LIG1: variants seen among roughly 807,000 people sequenced by gnomAD.
The protein encoded by LIG1 is ligase I, DNA, ATP-dependent.
LIG1 carries 70 observed loss-of-function variants against 115.7 expected under a neutral mutation model. That is an observed-to-expected ratio of 0.60 (90% CI 0.50 to 0.74). The LOEUF (loss-of-function observed/expected upper bound fraction) is 0.74, where lower values mean the gene tolerates loss of function less well. Among genes scored for constraint, LIG1 ranks in the 30% least tolerant of loss-of-function variants. The probability of loss-of-function intolerance (pLI) is 0.00; values close to 1 mark genes in which losing one functional copy is unlikely to be tolerated. For synonymous variants in LIG1, 487 were observed against 495.3 expected (o/e 0.98, Z 0.22); for missense variants, 1,115 against 1,225.6 (o/e 0.91, Z 1.35).
rs758614694 is a variant in LIG1 at position 48,127,898 on chromosome 19, G to A, written c.1932+12C>T. On this transcript the variant is annotated intron_variant, in intron 20 of 27. Transcript: ENST00000263274. ...ACGGGGCCTTGGCAGGCAGTGGAGCGGGTGATGCTACCTTGCGTTTGCGGG... is the reference window on the plus strand; with the variant it reads ...ACGGGGCCTTGGCAGGCAGTGGAGCAGGTGATGCTACCTTGCGTTTGCGGG... 16 of 1,605,588 alleles carry A rather than the reference G, an allele frequency of 1.0e-5. No homozygotes were observed. The highest frequency in any genetic ancestry group is 1.7e-4 in the Middle Eastern group (1 of 5,788).
At position 48,136,074 on chromosome 19, in the gene LIG1, A is replaced by G; in HGVS notation, c.1383T>C (p.Ala461=). Residue 461 remains alanine, a synonymous_variant, in exon 15 of 28, where the codon GCT becomes GCC. Coordinates refer to ENST00000263274, the MANE Select transcript of LIG1 (RefSeq NM_000234.3). ...TGAGGCTCACTGCCTGGGAGAGGGCAGCCAGCACCGACTGCTCTGCCAGCC... is the reference window on the plus strand; with the variant it reads ...TGAGGCTCACTGCCTGGGAGAGGGCGGCCAGCACCGACTGCTCTGCCAGCC... The part of the protein sequence containing the change: ...RLGLAEQSVL[A]ALSQAVSLTP... 2 of 1,573,138 alleles carry G rather than the reference A, an allele frequency of 1.3e-6. No homozygotes were observed. The highest frequency in any genetic ancestry group is 1.7e-6 in the Non-Finnish European group (2 of 1,159,776).
In LIG1 at chr19:48,143,037, C is replaced by A. The variant is rs558717788; in HGVS notation, c.914+506G>T. ...GAGGAAATGGGGACAGAGAAGGGGGCTGGCAGGGACCAGCGATGCTAACAT... is the reference window on the plus strand; with the variant it reads ...GAGGAAATGGGGACAGAGAAGGGGGATGGCAGGGACCAGCGATGCTAACAT... On this transcript the variant is annotated intron_variant, in intron 11 of 27. Coordinates refer to ENST00000263274, the MANE Select transcript of LIG1 (RefSeq NM_000234.3). 2.6e-5 allele frequency among the ~76,000 whole-genome samples: 4 copies of A among 152,266 alleles called. No homozygotes were observed. In the South Asian group the frequency reaches 8.3e-4, roughly 32 times the overall value.
intron 26 of LIG1, 22 bp downstream of exon 26, chr19:48,117,616 G>C: frequency 6.2e-7 from 1 of 1,610,392 alleles, no homozygotes; most frequent in Non-Finnish European, 8.5e-7. Context: ...ACAGGGCCAC[G>C]GCCAGGTCCT....
intron 14 of LIG1, among the ~76,000 whole-genome samples, chr19:48,136,762 A>G (rs2034417338): frequency 6.6e-6 from 1 of 152,216 alleles, no homozygotes; most frequent in Non-Finnish European, 1.5e-5. Context: ...TCACCAATCA[A>G]TCACAGCATG....
intron 9 of LIG1, among the ~76,000 whole-genome samples, chr19:48,148,883 G>A (rs778466698): frequency 5.3e-5 from 8 of 152,194 alleles, no homozygotes; most frequent in Admixed American, 1.3e-4. Flanking sequence ...AGCACATCAC[G>A]AGGGCTGGGG....
At chr19:48,157,936 T>A (rs920981631) in intron 4 of LIG1, among the ~76,000 whole-genome samples, 2 of 152,156 alleles carry the variant, frequency 1.3e-5, no homozygotes, top group African/African-American at 2.4e-5. Flanking sequence ...GCGGGAGGCA[T>A]TCAGGTCACG....
chr19:48,157,912 G>A (rs567658590), intron 4 of LIG1, among the ~76,000 whole-genome samples: 1 of 152,310 alleles, frequency 6.6e-6, no homozygotes, highest in South Asian at 2.1e-4. Context: ...CTCCAATGTT[G>A]GAGGTATGAC....
chr19:48,122,718 G>T lies in LIG1; in HGVS notation c.2232+216C>A, dbSNP rs922858621. ...CGCTGCACCTCGTGGGATGTGCGGT[G>T]CTTGGGCTGGGGCTGTTCTCCATCA... is the stretch of plus-strand genomic sequence containing the variant. On this transcript the variant is annotated intron_variant, in intron 23 of 27. Transcript: ENST00000263274. The surrounding 1 kb of genome is among the most constrained non-coding windows in gnomAD (Gnocchi z 4.3). Among the ~76,000 whole-genome samples, 1 of 152,204 alleles carries T rather than the reference G, an allele frequency of 6.6e-6. No individual in the cohort carries two copies. Among genetic ancestry groups the T allele is most frequent in the Non-Finnish European group, 1.5e-5 (1 of 68,034 alleles).
intron 8 of LIG1, 85 bp downstream of exon 8, chr19:48,150,003 C>T (rs2035364294): frequency 1.2e-6 from 2 of 1,603,522 alleles, no homozygotes; most frequent in Non-Finnish European, 1.7e-6. Context: ...GAAGGGTCTT[C>T]GCAGCATCTC....
At position 48,158,612 on chromosome 19, in the gene LIG1, G is replaced by A. The variant is rs148660741; in HGVS notation, c.244-1472C>T. 5.4e-4 allele frequency among the ~76,000 whole-genome samples: 82 copies of A among 152,326 alleles called. No individual in the cohort carries two copies. The East Asian group carries it at 0.014, about 25-fold the overall frequency. ...CCACAAATCTTCTTCTTGCTCTGGC[G>A]CCACCTGGGCATCAGGCAGTGCCAA... is the stretch of plus-strand genomic sequence containing the variant. On this transcript the variant is annotated intron_variant, in intron 4 of 27. Transcript: ENST00000263274.
intron 5 of LIG1, among the ~76,000 whole-genome samples, chr19:48,154,972 G>C (rs2035744023): frequency 6.6e-6 from 1 of 152,000 alleles, no homozygotes; most frequent in Non-Finnish European, 1.5e-5. Flanking sequence ...TTATATCACT[G>C]CTAAACTGGG....
chr19:48,150,968 T>C (rs1366762949), intron 7 of LIG1, among the ~76,000 whole-genome samples: 1 of 152,018 alleles, frequency 6.6e-6, no homozygotes, highest in Non-Finnish European at 1.5e-5. Context: ...CCCAAAGAGC[T>C]AGGATTACAG....
At chr19:48,133,718 C>T (rs1020333281) in intron 17 of LIG1, among the ~76,000 whole-genome samples, 1 of 152,178 alleles carries the variant, frequency 6.6e-6, no homozygotes, top group Non-Finnish European at 1.5e-5. Flanking sequence ...ACCTCAGCCT[C>T]CCGAGTAGCT....
rs536371454 is a variant in LIG1 at position 48,137,916 on chromosome 19, GGTGGATGAACGAGC to G, written c.1088-242_1088-229del. On this transcript the variant is annotated intron_variant, in intron 12 of 27. Coordinates refer to ENST00000263274, the MANE Select transcript of LIG1 (RefSeq NM_000234.3). This position sits in a 1 kb window ranked among gnomAD's most constrained non-coding sequence, Gnocchi z 4.3. Reference sequence around the variant, plus strand: ...AACATGCACGTGGAGCCAGGAAAGCGGTGGATGAACGAGCATGACCACACTCAGGGGAGACATCT... The same window carrying G: ...AACATGCACGTGGAGCCAGGAAAGCGATGACCACACTCAGGGGAGACATCT... The G allele has an allele frequency of 9.8e-5, 60 of 613,496 alleles. No homozygotes were observed. The East Asian group carries it at 1.3e-3, about 13-fold the overall frequency. The allele number at this position is 613,496 out of a possible 1,614,324, so 38.0% of individuals were successfully genotyped here.
chr19:48,169,763 T>C lies in LIG1; in HGVS notation c.-58+478A>G, dbSNP rs1231335072. On this transcript the variant is annotated intron_variant, in intron 1 of 27. Transcript: ENST00000263274. ...TCCGGTTCCCAGCCAGCCCCACCCTTGGCACCTCCCCCTTCCAGGTGGCCC... is the reference window on the plus strand; with the variant it reads ...TCCGGTTCCCAGCCAGCCCCACCCTCGGCACCTCCCCCTTCCAGGTGGCCC... 3 of 139,538 alleles carry C rather than the reference T, an allele frequency of 2.1e-5. No homozygotes were observed. The Admixed American group carries it at 2.2e-4, about 10-fold the overall frequency. The allele number at this position is 139,538 out of a possible 1,614,324, so 8.6% of individuals were successfully genotyped here.
intron 9 of LIG1, among the ~76,000 whole-genome samples, chr19:48,148,102 G>A (rs889172417): frequency 6.6e-5 from 10 of 152,230 alleles, no homozygotes; most frequent in Admixed American, 6.5e-4. Context: ...AGGTGCAATA[G>A]GAGTTGGGGC....
At chr19:48,160,111 T>C (rs1453250019) in intron 4 of LIG1, among the ~76,000 whole-genome samples, 4 of 152,214 alleles carry the variant, frequency 2.6e-5, no homozygotes, top group African/African-American at 9.6e-5. Flanking sequence ...AACGCAGACC[T>C]GCTGACACCT....
intron 19 of LIG1, among the ~76,000 whole-genome samples, chr19:48,129,042 G>A (rs555920340): frequency 6.7e-6 from 1 of 149,010 alleles, no homozygotes; most frequent in African/African-American, 2.5e-5. Flanking sequence ...TTATAGGCGT[G>A]AGCCACCACG....
At chr19:48,167,300 C>G (rs1012165334) in intron 1 of LIG1, among the ~76,000 whole-genome samples, 1 of 151,892 alleles carries the variant, frequency 6.6e-6, no homozygotes, top group African/African-American at 2.4e-5. Context: ...CTAGCAGGAC[C>G]TCTGCGTGGA....
Sources: gnomAD v4.1 joint callset for allele counts (sites outside exome capture counted in the v4.1 genomes callset) on GRCh38, gnomAD v4.1.1 for gene constraint, Gnocchi (gnomAD v3.1) non-coding constraint, MANE v1.5 for transcripts, NCBI Gene and HGNC (gene_info 2026-07-23, HGNC 2026-07-21) for gene names.